The following C8orf34 variants were observed in gnomAD, a reference collection of about 807,000 sequenced individuals.
C8orf34 encodes uncharacterized protein C8orf34.
A neutral mutation model predicts 68.3 loss-of-function variants in C8orf34; 65 were observed. The observed-to-expected ratio is 0.95, with a 90% CI of 0.78 to 1.17. The LOEUF (loss-of-function observed/expected upper bound fraction) is 1.17. C8orf34 is among the 50% of genes most tolerant of loss of function. C8orf34 has a pLI of 0.00. For missense variants in C8orf34, 664 were observed against 655.4 expected (o/e 1.01, Z -0.14); for synonymous variants, 244 against 241.2 (o/e 1.01, Z -0.11).
chr8:68,462,992 T>C (rs1360918843), intron 3 of C8orf34, among the ~76,000 whole-genome samples: 3 of 151,986 alleles, frequency 2.0e-5, no homozygotes, highest in Admixed American at 6.6e-5. Flanking sequence ...AAAAAATTAA[T>C]GAATCCAGGA....
At position 68,567,634 on chromosome 8, in the gene C8orf34, G is replaced by T. The variant is rs548354004; in HGVS notation, c.1105+34485G>T. ...TTTTGAGGAGGAGTCTTGCTCTGTC[G>T]CCCAGGCTGGAGTGCAGTCGTGCAA... On this transcript the variant is annotated intron_variant, in intron 7 of 13. Coordinates refer to ENST00000518698, the MANE Select transcript of C8orf34 (RefSeq NM_052958.4). Among the ~76,000 whole-genome samples the T allele has an allele frequency of 2.6e-3, 280 of 107,056 alleles. 2 individuals carry two copies. Among genetic ancestry groups the T allele is most frequent in the Middle Eastern group, 0.01 (1 of 98 alleles). 70.2% of individuals were successfully genotyped at this position (107,056 alleles called of 152,430 possible). A position where few individuals can be genotyped will look rare whatever the true frequency, so the allele number is the denominator to read the frequency against.
chr8:68,531,373 C>G (rs143697951), intron 6 of C8orf34, among the ~76,000 whole-genome samples: 2,241 of 152,174 alleles, frequency 0.015, 35 homozygotes, highest in Non-Finnish European at 0.019. Context: ...TAATCTACAA[C>G]AGTCCTCTGC....
intron 7 of C8orf34, among the ~76,000 whole-genome samples, chr8:68,607,424 TTACATGG>T (rs1817887780): frequency 2.0e-5 from 3 of 152,196 alleles, no homozygotes; most frequent in Admixed American, 2.0e-4. Flanking sequence ...CACTATATCT[TTACATGG>T]TGTTCTCTCT....
At chr8:68,423,238 G>A (rs1810061917) in intron 1 of C8orf34, among the ~76,000 whole-genome samples, 1 of 151,974 alleles carries the variant, frequency 6.6e-6, no homozygotes, top group South Asian at 2.1e-4. Context: ...AGCTTTTTAT[G>A]TTCTGTTTCC....
At chr8:68,380,055 T>C (rs1440364675) in intron 1 of C8orf34, among the ~76,000 whole-genome samples, 1 of 152,150 alleles carries the variant, frequency 6.6e-6, no homozygotes, top group Admixed American at 6.5e-5. Context: ...AGAGATAGGA[T>C]CTCCCCGTGT....
chr8:68,691,324 G>T (rs567026379), intron 8 of C8orf34, among the ~76,000 whole-genome samples: 13 of 152,110 alleles, frequency 8.5e-5, no homozygotes, highest in African/African-American at 2.4e-4. Flanking sequence ...TTGAATTAAG[G>T]TATGTACATT....
intron 7 of C8orf34, among the ~76,000 whole-genome samples, chr8:68,592,596 CTTT>C (rs869214252): frequency 9.4e-3 from 249 of 26,432 alleles, no homozygotes; most frequent in African/African-American, 0.034. Flanking sequence ...TTTATCTCTT[CTTT>C]TTTTTTTTTT....
At chr8:68,738,318 A>T (rs1455127668) in intron 10 of C8orf34, among the ~76,000 whole-genome samples, 1 of 152,072 alleles carries the variant, frequency 6.6e-6, no homozygotes, top group African/African-American at 2.4e-5. Flanking sequence ...GAGGGAAATC[A>T]TACCACTAAA....
intron 7 of C8orf34, among the ~76,000 whole-genome samples, chr8:68,568,827 G>A (rs1036534820): frequency 6.6e-6 from 1 of 152,188 alleles, no homozygotes; most frequent in African/African-American, 2.4e-5. Context: ...AAGCAAAATT[G>A]TTTCTGGCAA....
chr8:68,498,120 G>T (rs1813612823), intron 5 of C8orf34, among the ~76,000 whole-genome samples: 1 of 152,180 alleles, frequency 6.6e-6, no homozygotes, highest in African/African-American at 2.4e-5. Flanking sequence ...GAGCCACGGT[G>T]CCCAGCTCAC....
At chr8:68,359,334 T>C (rs998441264) in intron 1 of C8orf34, among the ~76,000 whole-genome samples, 1 of 152,196 alleles carries the variant, frequency 6.6e-6, no homozygotes, top group Non-Finnish European at 1.5e-5. Context: ...GCTGCACTGT[T>C]GCTTTTAGTA....
chr8:68,512,612 C>T (rs1340133209), intron 5 of C8orf34, among the ~76,000 whole-genome samples: 1 of 152,024 alleles, frequency 6.6e-6, no homozygotes, highest in Non-Finnish European at 1.5e-5. Flanking sequence ...CCTTTTATAA[C>T]TAAATATAAC....
intron 1 of C8orf34, among the ~76,000 whole-genome samples, chr8:68,419,895 G>T (rs903725480): frequency 4.7e-5 from 7 of 149,650 alleles, no homozygotes; most frequent in African/African-American, 1.7e-4. Context: ...GAGTTAGTGG[G>T]TGCAGCACAC....
chr8:68,801,302 TG>T (rs1824319606), intron 12 of C8orf34, among the ~76,000 whole-genome samples: 1 of 152,218 alleles, frequency 6.6e-6, no homozygotes, highest in Non-Finnish European at 1.5e-5. Context: ...TCAAAAAGTT[TG>T]GATACTCTCT....
intron 4 of C8orf34, among the ~76,000 whole-genome samples, chr8:68,477,134 C>G (rs930372508): frequency 3.3e-5 from 5 of 152,104 alleles, no homozygotes; most frequent in African/African-American, 1.2e-4. Flanking sequence ...AAAGGGGTGT[C>G]TATTTTGATC....
At chr8:68,521,711 A>G in intron 5 of C8orf34, 88 bp from the exon 6 acceptor site, 1 of 1,159,742 alleles carries the variant, frequency 8.6e-7, no homozygotes, top group Non-Finnish European at 1.2e-6. Flanking sequence ...AGCATTTGAC[A>G]GTCAAATATC....
At chr8:68,712,364 T>TCCA in intron 9 of C8orf34, among the ~76,000 whole-genome samples, 1 of 152,226 alleles carries the variant, frequency 6.6e-6, no homozygotes, top group East Asian at 1.9e-4. Context: ...AATGTAAATG[T>TCCA]CTTAAATGCT....
At chr8:68,521,378 T>C (rs1197134073) in intron 5 of C8orf34, among the ~76,000 whole-genome samples, 1 of 152,186 alleles carries the variant, frequency 6.6e-6, no homozygotes, top group African/African-American at 2.4e-5. Context: ...AATACACCCT[T>C]CGAGCCCTAT....
intron 8 of C8orf34, among the ~76,000 whole-genome samples, chr8:68,667,307 C>T (rs1358270642): frequency 6.6e-6 from 1 of 152,072 alleles, no homozygotes; most frequent in Non-Finnish European, 1.5e-5. Flanking sequence ...TGAATCAAAT[C>T]AAACAAGAAT....
Sources: allele counts gnomAD v4.1 joint callset (sites outside exome capture counted in the v4.1 genomes callset), GRCh38; gene constraint gnomAD v4.1.1; transcripts MANE v1.5; gene names NCBI Gene and HGNC (gene_info 2026-07-23, HGNC 2026-07-21).